KDM4C: variants seen among roughly 807,000 people sequenced by gnomAD.
The protein encoded by KDM4C is lysine-specific demethylase 4C.
KDM4C carries 81 observed loss-of-function variants against 129.3 expected under a neutral mutation model. The ratio of observed to expected loss-of-function variants is 0.63; its 90% confidence interval spans 0.52 to 0.75. The LOEUF is 0.75. Among genes scored for constraint, KDM4C ranks in the 30% least tolerant of loss-of-function variants. The pLI, the probability that KDM4C is intolerant of heterozygous loss-of-function variation, is 0.00. For missense variants in KDM4C, 1,457 were observed against 1,304.0 expected, an observed-to-expected ratio of 1.12 and a Z score of -1.81; for synonymous variants, 573 against 456.1, an observed-to-expected ratio of 1.26 and a Z score of -3.26.
chr9:6,900,502 G>A (rs1817211071), intron 8 of KDM4C, among the ~76,000 whole-genome samples: 1 of 152,190 alleles, frequency 6.6e-6, no homozygotes, highest in Non-Finnish European at 1.5e-5. Context: ...GGGCATGGTG[G>A]CATACGCCTG....
intron 19 of KDM4C, among the ~76,000 whole-genome samples, chr9:7,134,067 C>T (rs751424211): frequency 2.0e-5 from 3 of 152,170 alleles, no homozygotes; most frequent in Non-Finnish European, 4.4e-5. Context: ...TCTCCTCTTC[C>T]CTCTCCCCCT....
intron 15 of KDM4C, among the ~76,000 whole-genome samples, chr9:7,026,070 G>T (rs1007016384): frequency 6.6e-6 from 1 of 152,094 alleles, no homozygotes; most frequent in African/African-American, 2.4e-5. Flanking sequence ...GTTGGGTGTT[G>T]TGGCGAGCAC....
At chr9:7,143,025 C>T (rs1000255011) in intron 19 of KDM4C, among the ~76,000 whole-genome samples, 1 of 152,190 alleles carries the variant, frequency 6.6e-6, no homozygotes, top group Non-Finnish European at 1.5e-5. Context: ...TATCCTTTAT[C>T]TTCCTCTACC....
intron 17 of KDM4C, among the ~76,000 whole-genome samples, chr9:7,084,200 C>A (rs1834861427): frequency 6.6e-6 from 1 of 152,188 alleles, no homozygotes; most frequent in South Asian, 2.1e-4. Context: ...TGCCACTACT[C>A]AGCTGAAGCT....
intron 4 of KDM4C, among the ~76,000 whole-genome samples, chr9:6,823,128 C>T (rs901160998): frequency 6.6e-6 from 1 of 152,180 alleles, no homozygotes; most frequent in African/African-American, 2.4e-5. Flanking sequence ...CTAGATGGAC[C>T]TTCCAGTGTA....
chr9:7,052,896 A>AGAGAGAGAGAGAGAGAGCGC (rs1564049670), intron 17 of KDM4C, among the ~76,000 whole-genome samples: 1 of 13,090 alleles, frequency 7.6e-5, no homozygotes, highest in Non-Finnish European at 1.9e-4. Flanking sequence ...AGAGAGAGAG[A>AGAGAGAGAGAGAGAGAGCGC]GAGAGCGAGC....
intron 8 of KDM4C, among the ~76,000 whole-genome samples, chr9:6,939,235 A>G (rs1389705193): frequency 3.9e-5 from 6 of 151,974 alleles, no homozygotes; most frequent in African/African-American, 1.2e-4. Flanking sequence ...CGGTGGTATT[A>G]GATTCTCATA....
chr9:6,913,643 G>A (rs927020957), intron 8 of KDM4C, among the ~76,000 whole-genome samples: 3 of 152,226 alleles, frequency 2.0e-5, no homozygotes, highest in African/African-American at 7.2e-5. Flanking sequence ...AGTCATTTCA[G>A]TGACAGCCAA....
At chr9:6,944,652 G>GTTTTTTCTTTTT (rs1826559628) in intron 8 of KDM4C, among the ~76,000 whole-genome samples, 1 of 80,990 alleles carries the variant, frequency 1.2e-5, no homozygotes, top group Non-Finnish European at 2.2e-5. Flanking sequence ...CAAGGTAGAG[G>GTTTTTTCTTTTT]TTTTTTTTTT....
chr9:7,169,243 C>G (rs753377534), intron 20 of KDM4C, among the ~76,000 whole-genome samples: 15 of 152,134 alleles, frequency 9.9e-5, no homozygotes, highest in Non-Finnish European at 2.1e-4. Flanking sequence ...TTTGTTGTTG[C>G]TTCGCCAGAT....
At chr9:6,980,191 C>G (rs576721501) in intron 8 of KDM4C, among the ~76,000 whole-genome samples, 2 of 152,264 alleles carry the variant, frequency 1.3e-5, no homozygotes, top group South Asian at 4.1e-4. Flanking sequence ...GTAGTGCTGG[C>G]CTAGACCTGA....
intron 5 of KDM4C, among the ~76,000 whole-genome samples, chr9:6,873,074 G>A (rs766987103): frequency 2.2e-4 from 34 of 152,086 alleles, no homozygotes; most frequent in South Asian, 4.2e-4. Context: ...TTACAGGCGC[G>A]CACCACTCCA....
At chr9:6,997,744 A>T (rs554039277) in intron 12 of KDM4C, among the ~76,000 whole-genome samples, 132 of 152,324 alleles carry the variant, frequency 8.7e-4, no homozygotes, top group Admixed American at 1.9e-3. Context: ...TTGGTCATGA[A>T]TGATAAGTGT....
intron 15 of KDM4C, among the ~76,000 whole-genome samples, chr9:7,046,580 AGCT>A (rs1829429867): frequency 6.6e-6 from 1 of 152,024 alleles, no homozygotes; most frequent in African/African-American, 2.4e-5. Context: ...TCTGTGTCAC[AGCT>A]TTCCTTTGAT....
chr9:6,817,216 T>G (rs573605978), intron 4 of KDM4C, among the ~76,000 whole-genome samples: 1 of 142,616 alleles, frequency 7.0e-6, no homozygotes, highest in Non-Finnish European at 1.5e-5. Flanking sequence ...CACTTTTTTT[T>G]TTTTTGAGAC....
chr9:6,984,520 A>G, intron 10 of KDM4C, 116 bp downstream of exon 10: 1 of 699,668 alleles, frequency 1.4e-6, no homozygotes, highest in South Asian at 1.7e-5. Context: ...CTTAATCAGT[A>G]ATCTACCAAA....
chr9:6,811,311 G>A (rs1831105004), intron 3 of KDM4C, among the ~76,000 whole-genome samples: 1 of 152,128 alleles, frequency 6.6e-6, no homozygotes, highest in East Asian at 1.9e-4. Flanking sequence ...GTGCCACCAT[G>A]CCTGGCTAAG....
intron 8 of KDM4C, among the ~76,000 whole-genome samples, chr9:6,966,805 G>T (rs1313251887): frequency 1.3e-5 from 2 of 152,140 alleles, no homozygotes; most frequent in Admixed American, 1.3e-4. Context: ...ATTTATCTTA[G>T]ACCTGACAGA....
At chr9:6,929,801 C>A (rs1337807333) in intron 8 of KDM4C, among the ~76,000 whole-genome samples, 4 of 152,110 alleles carry the variant, frequency 2.6e-5, no homozygotes, top group Admixed American at 2.6e-4. Flanking sequence ...AAAAGTTCAT[C>A]TTCCCTGTTT....
Sources: gnomAD v4.1 joint callset for allele counts (sites outside exome capture counted in the v4.1 genomes callset) on GRCh38, gnomAD v4.1.1 for gene constraint, MANE v1.5 for transcripts, NCBI Gene and HGNC (gene_info 2026-07-23, HGNC 2026-07-21) for gene names.